PGBD5: variants seen among roughly 807,000 people sequenced by gnomAD.
PGBD5 encodes piggyBac transposable element-derived protein 5.
In PGBD5, 14 loss-of-function variants were observed where a neutral mutation model predicts 47.9. That is an observed-to-expected ratio of 0.29 (90% CI 0.19 to 0.46). The LOEUF is 0.46. Among genes scored for constraint, PGBD5 ranks in the 20% least tolerant of loss-of-function variants. The pLI is 1.00. For missense variants in PGBD5, 635 were observed against 716.0 expected (o/e 0.89, Z 1.29); for synonymous variants, 316 against 306.3 (o/e 1.03, Z -0.33).
chr1:230,379,722 G>A lies in PGBD5; in HGVS notation c.332-22401C>T, dbSNP rs115071473. ...TAGTTCCTCCTTCCTCTGCACCCTCGTAGTGATCGATCCACCTCTCTGATT... is the reference window on the plus strand; with the variant it reads ...TAGTTCCTCCTTCCTCTGCACCCTCATAGTGATCGATCCACCTCTCTGATT... On this transcript the variant is annotated intron_variant, in intron 1 of 6. Transcript: ENST00000391860. Among the ~76,000 whole-genome samples, 863 of 152,248 alleles carry A rather than the reference G, an allele frequency of 5.7e-3. 7 individuals are homozygous for A. The highest frequency in any genetic ancestry group is 0.044 in the East Asian group (230 of 5,180).
At chr1:230,352,102 C>CA (rs11377696) in intron 2 of PGBD5, among the ~76,000 whole-genome samples, 73,582 of 151,954 alleles carry the variant, frequency 0.48, 18,652 homozygotes, top group African/African-American at 0.64. Context: ...TGCCCTAGAT[C>CA]GGGGTCAGCA....
At position 230,320,786 on chromosome 1, in the gene PGBD5, T is replaced by G. The variant is rs926965023; in HGVS notation, c.*2639A>C. On this transcript the variant is annotated 3_prime_UTR_variant, in exon 7 of 7. Transcript: ENST00000391860. ...TTTGAATCACATCTCTAAGGCAAGGTCCAGGTCCCTGGAGGTTCTGTCAGT... is the reference window on the plus strand; with the variant it reads ...TTTGAATCACATCTCTAAGGCAAGGGCCAGGTCCCTGGAGGTTCTGTCAGT... 9.9e-5 allele frequency: 15 copies of G among 152,138 alleles called. No homozygotes were observed. Among genetic ancestry groups the G allele is most frequent in the African/African-American group, 3.1e-4 (13 of 41,404 alleles). The allele number at this position is 152,138 out of a possible 1,614,324, so 9.4% of individuals were successfully genotyped here.
intron 4 of PGBD5, among the ~76,000 whole-genome samples, chr1:230,334,023 C>A (rs868429403): frequency 2.6e-5 from 4 of 152,334 alleles, no homozygotes; most frequent in African/African-American, 9.6e-5. Flanking sequence ...CTCTGCTCAG[C>A]TCCCGGAGGA....
chr1:230,359,716 C>T (rs557591591), intron 1 of PGBD5, among the ~76,000 whole-genome samples: 1 of 152,294 alleles, frequency 6.6e-6, no homozygotes, highest in East Asian at 1.9e-4. Flanking sequence ...TGGTGCCTGG[C>T]CCTAAGGGAG....
At chr1:230,402,626 A>T (rs11591207) in intron 1 of PGBD5, among the ~76,000 whole-genome samples, 7,874 of 152,034 alleles carry the variant, frequency 0.052, 215 homozygotes, top group Non-Finnish European at 0.063. Flanking sequence ...GCTAATTTTT[A>T]AAATTTTTTG....
chr1:230,332,846 T>C lies in PGBD5; in HGVS notation c.1271A>G (p.Gln424Arg). ...FLTNAYSPVQ[Q>R]GVIIKRKSGE... ...GTCAATGGCGGACCCGCACTCACCC[T>C]GCTGCACCGGGGAGTAGGCGTTGGT... Residue 424 changes from glutamine to arginine, a missense_variant and splice_region_variant, in exon 5 of 7, where the codon CAG becomes CGG. Physicochemically the swap from Gln to Arg is conservative, Grantham distance 43 (BLOSUM62 1). Coordinates refer to ENST00000391860, the MANE Select transcript of PGBD5 (RefSeq NM_001258311.2). 6.2e-7 allele frequency: 1 copy of C among 1,614,170 alleles called. No individual in the cohort carries two copies. Among genetic ancestry groups the C allele is most frequent in the South Asian group, 1.1e-5 (1 of 91,086 alleles).
chr1:230,341,999 C>T (rs1667413606), intron 3 of PGBD5, among the ~76,000 whole-genome samples: 1 of 152,096 alleles, frequency 6.6e-6, no homozygotes. Context: ...TTTATACTGA[C>T]ATTACAACAA....
Position 230,315,569 on chromosome 1 carries a change from C to T in PGBD5, c.*7856G>A, listed in dbSNP as rs1195442288. 1.3e-5 allele frequency: 2 copies of T among 151,984 alleles called. No homozygotes were observed. Among genetic ancestry groups the T allele is most frequent in the Non-Finnish European group, 1.5e-5 (1 of 68,022 alleles). The allele number at this position is 151,984 out of a possible 1,614,324, so 9.4% of individuals were successfully genotyped here. A position where few individuals can be genotyped will look rare whatever the true frequency, so the allele number is the denominator to read the frequency against. On this transcript the variant is annotated 3_prime_UTR_variant, in exon 7 of 7. Coordinates refer to ENST00000391860, the MANE Select transcript of PGBD5 (RefSeq NM_001258311.2). ...TTGCCCTCCTGGACCCCTAAACTGG[C>T]CCATGTGTTTAGTTGTAGAATGGGG... is the stretch of plus-strand genomic sequence containing the variant.
intron 1 of PGBD5, among the ~76,000 whole-genome samples, chr1:230,404,611 CAAAAAAA>C (rs747306411): frequency 5.0e-5 from 5 of 100,362 alleles, no homozygotes; most frequent in South Asian, 3.3e-4. Context: ...AGTCTTGTCT[CAAAAAAA>C]AAAAAAAAAA....
In PGBD5 at chr1:230,318,561, T is replaced by C. The variant is rs1020260885; in HGVS notation, c.*4864A>G. Reference sequence around the variant, plus strand: ...CCTTGTGAACTTCTGGGGACTTCTTTCGTTTGGAACTCCCACTACACAAGG... The same window carrying C: ...CCTTGTGAACTTCTGGGGACTTCTTCCGTTTGGAACTCCCACTACACAAGG... On this transcript the variant is annotated 3_prime_UTR_variant, in exon 7 of 7. Coordinates refer to ENST00000391860, the MANE Select transcript of PGBD5 (RefSeq NM_001258311.2). 6.6e-6 allele frequency: 1 copy of C among 152,234 alleles called. No homozygotes were observed. The highest frequency in any genetic ancestry group is 2.4e-5 in the African/African-American group (1 of 41,450). The allele number at this position is 152,234 out of a possible 1,614,324, so 9.4% of individuals were successfully genotyped here.
rs1290500172 is a variant in PGBD5 at position 230,322,784 on chromosome 1, C to T, written c.*641G>A. ...CCTTCACTCCAAGTTTTTGGCATTTCCCTCTCTCCCCTGCCCACCAGCTAA... is the reference window on the plus strand; with the variant it reads ...CCTTCACTCCAAGTTTTTGGCATTTTCCTCTCTCCCCTGCCCACCAGCTAA... On this transcript the variant is annotated 3_prime_UTR_variant, in exon 7 of 7. Transcript: ENST00000391860. This position sits in a 1 kb window ranked among gnomAD's most constrained non-coding sequence, Gnocchi z 5.9. 2.6e-5 allele frequency: 4 copies of T among 152,624 alleles called. No individual in the cohort carries two copies. The highest frequency in any genetic ancestry group is 9.7e-5 in the African/African-American group (4 of 41,430). The allele number at this position is 152,624 out of a possible 1,614,324, so 9.5% of individuals were successfully genotyped here.
At chr1:230,372,092 G>A (rs576326117) in intron 1 of PGBD5, among the ~76,000 whole-genome samples, 12 of 152,158 alleles carry the variant, frequency 7.9e-5, no homozygotes, top group Non-Finnish European at 1.3e-4. Flanking sequence ...TCTTTTAGGC[G>A]ATGCCCCAAG....
intron 5 of PGBD5, among the ~76,000 whole-genome samples, chr1:230,332,600 G>A (rs1217951473): frequency 1.3e-5 from 2 of 152,112 alleles, no homozygotes; most frequent in African/African-American, 2.4e-5. Context: ...TGCAAACCCC[G>A]TCAGCATGCA....
At chr1:230,404,303 A>AC (rs1657216683) in intron 1 of PGBD5, among the ~76,000 whole-genome samples, 1 of 152,038 alleles carries the variant, frequency 6.6e-6, no homozygotes, top group Admixed American at 6.6e-5. Context: ...ACACAGGGAG[A>AC]CCCCATCTCT....
At chr1:230,349,151 G>GTGATTTC (rs1667523472) in intron 3 of PGBD5, among the ~76,000 whole-genome samples, 1 of 152,224 alleles carries the variant, frequency 6.6e-6, no homozygotes, top group South Asian at 2.1e-4. Flanking sequence ...GGTGACAGAT[G>GTGATTTC]TGATTTCTAG....
At chr1:230,371,066 G>A (rs774661024) in intron 1 of PGBD5, among the ~76,000 whole-genome samples, 1 of 152,160 alleles carries the variant, frequency 6.6e-6, no homozygotes, top group Non-Finnish European at 1.5e-5. Context: ...ACTTCAAAAG[G>A]AAGACTGATT....
At chr1:230,399,787 C>T (rs1274786533) in intron 1 of PGBD5, among the ~76,000 whole-genome samples, 4 of 152,202 alleles carry the variant, frequency 2.6e-5, no homozygotes, top group African/African-American at 4.8e-5. Flanking sequence ...CCCACGTTGC[C>T]GCAGATCCTT....
chr1:230,385,913 C>T (rs1050158561), intron 1 of PGBD5, among the ~76,000 whole-genome samples: 7 of 152,306 alleles, frequency 4.6e-5, no homozygotes, highest in African/African-American at 1.7e-4. Context: ...CAGGCCCCAC[C>T]CTAGCCCTGC....
At chr1:230,344,773 C>T (rs972833208) in intron 3 of PGBD5, among the ~76,000 whole-genome samples, 4 of 152,112 alleles carry the variant, frequency 2.6e-5, no homozygotes, top group African/African-American at 7.2e-5. Flanking sequence ...CATCTACTTC[C>T]GGAGTATGTC....
Sources: gnomAD v4.1 joint callset for allele counts (sites outside exome capture counted in the v4.1 genomes callset) on GRCh38, gnomAD v4.1.1 for gene constraint, Gnocchi (gnomAD v3.1) non-coding constraint, MANE v1.5 for transcripts, NCBI Gene and HGNC (gene_info 2026-07-23, HGNC 2026-07-21) for gene names.